AKT3: variants seen among roughly 807,000 people sequenced by gnomAD.
AKT3 encodes RAC-gamma serine/threonine-protein kinase.
AKT3 carries 15 observed loss-of-function variants against 65.3 expected under a neutral mutation model. The ratio of observed to expected loss-of-function variants is 0.23; its 90% CI spans 0.15 to 0.35. The LOEUF is 0.35. Among genes scored for constraint, AKT3 ranks in the 10% least tolerant of loss-of-function variants. AKT3 has a pLI of 1.00. For missense variants in AKT3, 243 were observed against 576.5 expected (o/e 0.42, Z 5.92); for synonymous variants, 206 against 183.8 (o/e 1.12, Z -0.98).
At chr1:243,720,101 T>C (rs1397633486) in intron 2 of AKT3, among the ~76,000 whole-genome samples, 1 of 151,962 alleles carries the variant, frequency 6.6e-6, no homozygotes, top group Non-Finnish European at 1.5e-5. Flanking sequence ...TCACCTGAGA[T>C]CAGGAGGTCA....
chr1:243,678,007 G>C (rs1027780495), intron 3 of AKT3, among the ~76,000 whole-genome samples: 3 of 152,080 alleles, frequency 2.0e-5, no homozygotes, highest in Non-Finnish European at 4.4e-5. Context: ...AGAATTGCTT[G>C]AATCTGGGAG....
At chr1:243,738,365 C>T (rs1367751670) in intron 2 of AKT3, among the ~76,000 whole-genome samples, 1 of 152,126 alleles carries the variant, frequency 6.6e-6, no homozygotes, top group African/African-American at 2.4e-5. Flanking sequence ...CTTTCATAAG[C>T]TTAAGAGACT....
chr1:243,845,809 A>G (rs2148483260), intron 1 of AKT3, among the ~76,000 whole-genome samples: 1 of 152,210 alleles, frequency 6.6e-6, no homozygotes, highest in South Asian at 2.1e-4. Context: ...GAGCTACCCA[A>G]TAGGTATGGA....
At chr1:243,775,005 G>T (rs571913373) in intron 2 of AKT3, among the ~76,000 whole-genome samples, 3 of 152,166 alleles carry the variant, frequency 2.0e-5, no homozygotes, top group African/African-American at 7.2e-5. Flanking sequence ...TAGGACTACA[G>T]GTGTGTGCCA....
At chr1:243,506,525 G>C (rs1243587547) in intron 13 of AKT3, among the ~76,000 whole-genome samples, 1 of 152,226 alleles carries the variant, frequency 6.6e-6, no homozygotes, top group Non-Finnish European at 1.5e-5. Flanking sequence ...AGGGGGCTCT[G>C]CCTTTGTCTG....
chr1:243,517,490 G>T (rs1392638556), intron 12 of AKT3, among the ~76,000 whole-genome samples: 1 of 152,108 alleles, frequency 6.6e-6, no homozygotes, highest in Non-Finnish European at 1.5e-5. Context: ...TTTGTTATTA[G>T]ATGCATAACT....
chr1:243,768,963 G>GC (rs1690003388), intron 2 of AKT3, among the ~76,000 whole-genome samples: 1 of 151,628 alleles, frequency 6.6e-6, no homozygotes. Flanking sequence ...ACTTTTCATC[G>GC]CCCCAAATAT....
intron 2 of AKT3, among the ~76,000 whole-genome samples, chr1:243,745,232 C>T (rs566561711): frequency 6.6e-6 from 1 of 151,982 alleles, no homozygotes; most frequent in South Asian, 2.1e-4. Flanking sequence ...CCCAGCTACT[C>T]AAGAGGCTGA....
chr1:243,675,047 C>G (rs962837309), intron 3 of AKT3, among the ~76,000 whole-genome samples: 1 of 152,090 alleles, frequency 6.6e-6, no homozygotes, highest in Non-Finnish European at 1.5e-5. Context: ...TGCATAGGTC[C>G]CACTTAGAAG....
At chr1:243,791,208 A>G (rs902035873) in intron 2 of AKT3, among the ~76,000 whole-genome samples, 1 of 152,224 alleles carries the variant, frequency 6.6e-6, no homozygotes, top group Non-Finnish European at 1.5e-5. Flanking sequence ...TGTAGATACT[A>G]TATAAATAGT....
chr1:243,795,269 C>G (rs1691883894), intron 2 of AKT3, among the ~76,000 whole-genome samples: 1 of 151,706 alleles, frequency 6.6e-6, no homozygotes, highest in Admixed American at 6.6e-5. Context: ...GGCTTAACGA[C>G]TGGTAGAATT....
chr1:243,560,779 C>T (rs1558615704), intron 10 of AKT3, among the ~76,000 whole-genome samples: 1 of 152,096 alleles, frequency 6.6e-6, no homozygotes, highest in Non-Finnish European at 1.5e-5. Context: ...CAGTTGATGA[C>T]ACTGCATATG....
intron 3 of AKT3, among the ~76,000 whole-genome samples, chr1:243,679,190 A>G (rs906971497): frequency 1.3e-5 from 2 of 152,222 alleles, no homozygotes; most frequent in Non-Finnish European, 2.9e-5. Context: ...CAAAATATGT[A>G]TCAATTAACT....
chr1:243,515,108 T>C (rs892617304), intron 12 of AKT3, among the ~76,000 whole-genome samples: 1 of 152,238 alleles, frequency 6.6e-6, no homozygotes, highest in African/African-American at 2.4e-5. Flanking sequence ...TATTCATCCA[T>C]GTCACCACAT....
intron 2 of AKT3, among the ~76,000 whole-genome samples, chr1:243,707,846 T>C (rs1202704829): frequency 6.6e-6 from 1 of 152,136 alleles, no homozygotes; most frequent in African/African-American, 2.4e-5. Flanking sequence ...TGCACAGGAA[T>C]AAGTGTATTT....
chr1:243,532,703 G>A (rs1487362453), intron 12 of AKT3, among the ~76,000 whole-genome samples: 1 of 152,136 alleles, frequency 6.6e-6, no homozygotes. Context: ...CAAATTTTTG[G>A]AAGAGTTTGA....
chr1:243,707,698 A>C (rs1468551815), intron 2 of AKT3, among the ~76,000 whole-genome samples: 1 of 152,122 alleles, frequency 6.6e-6, no homozygotes, highest in Admixed American at 6.6e-5. Flanking sequence ...TTTTGACATC[A>C]GGCCTTCCCC....
intron 2 of AKT3, among the ~76,000 whole-genome samples, chr1:243,730,469 G>A (rs1458580156): frequency 6.6e-6 from 1 of 152,218 alleles, no homozygotes; most frequent in Non-Finnish European, 1.5e-5. Flanking sequence ...AACTGTGGTG[G>A]TGACATGCTC....
chr1:243,592,050 G>A (rs1239130952), intron 8 of AKT3, among the ~76,000 whole-genome samples: 3 of 152,040 alleles, frequency 2.0e-5, no homozygotes, highest in African/African-American at 7.2e-5. Flanking sequence ...AACACCCTAA[G>A]CCTGGCCAGG....
Sources: allele counts gnomAD v4.1 joint callset (sites outside exome capture counted in the v4.1 genomes callset), GRCh38; gene constraint gnomAD v4.1.1; transcripts MANE v1.5; gene names NCBI Gene and HGNC (gene_info 2026-07-23, HGNC 2026-07-21).